UGT2B17: variants seen among roughly 807,000 people sequenced by gnomAD.
UGT2B17 encodes the protein UDP-glucuronosyltransferase 2B17.
Under a neutral mutation model 48.2 loss-of-function variants are expected in UGT2B17, and 21 were observed. The observed-to-expected ratio is 0.44, with a 90% CI of 0.31 to 0.63. UGT2B17 has a LOEUF of 0.63. UGT2B17 is among the 20% of genes least tolerant of loss of function. The probability of loss-of-function intolerance (pLI) is 0.08; values close to 1 mark genes in which losing one functional copy is unlikely to be tolerated. For synonymous variants in UGT2B17, 146 were observed against 238.4 expected (o/e 0.61, Z 3.57); for missense variants, 402 against 696.1 (o/e 0.58, Z 4.75).
At chr4:68,548,573 A>G (rs182896805) in intron 6 of UGT2B17, among the ~76,000 whole-genome samples, 6 of 125,486 alleles carry the variant, frequency 4.8e-5, no homozygotes, top group Admixed American at 8.3e-5. Context: ...CTTAAAGTAT[A>G]ATAAAAAAAA....
Position 68,567,761 on chromosome 4 carries a change from C to T in UGT2B17, c.724G>A (p.Gly242Arg). 1 of 1,329,940 alleles carries T rather than the reference C, an allele frequency of 7.5e-7. No homozygotes were observed. Among genetic ancestry groups the T allele is most frequent in the Non-Finnish European group, 9.7e-7 (1 of 1,034,440 alleles). The allele number at this position is 1,329,940 out of a possible 1,614,324, so 82.4% of individuals were successfully genotyped here. The change falls in exon 2 of 7, where the codon GGA (glycine) becomes AGA (arginine). Residue 242 changes from glycine to arginine, a missense_variant and splice_region_variant. By Grantham distance (125) the Gly-to-Arg change is moderately radical. This residue lies in a region of UGT2B17 where 106 missense variants were observed against 169.8 expected (regional missense o/e 0.62). Coordinates refer to ENST00000317746, the MANE Select transcript of UGT2B17 (RefSeq NM_001077.4). ...AACACCAATTGGACACACGACTTAC[C>T]TAGAACTTCACTATAAAACTGGTCC... is the stretch of plus-strand genomic sequence containing the variant. ...KWDQFYSEVL[G>R]RPTTLFETMG...
chr4:68,559,325 G>A (rs1731060654), intron 4 of UGT2B17, among the ~76,000 whole-genome samples: 1 of 125,762 alleles, frequency 8.0e-6, no homozygotes, highest in African/African-American at 2.7e-5. Flanking sequence ...TAACAATGTA[G>A]GAAAAAGGAG....
Position 68,551,714 on chromosome 4 carries a change from T to C in UGT2B17, c.1093+110A>G. On this transcript the variant is annotated intron_variant, in intron 5 of 6. Transcript: ENST00000317746. ...ATATAAAGTAGTTAAATTTGATTTT[T>C]TTTTAGTTTTCCAATAATAAATGTT... The C allele has an allele frequency of 2.5e-6, 2 of 784,436 alleles. 1 individual carries two copies. The highest frequency in any genetic ancestry group is 3.5e-6 in the Non-Finnish European group (2 of 574,992). The allele number at this position is 784,436 out of a possible 1,614,324, so 48.6% of individuals were successfully genotyped here.
In UGT2B17 at chr4:68,562,582, G is replaced by T. The variant is rs1393470236; in HGVS notation, c.874-1914C>A. The stretch of plus-strand genomic sequence containing the variant: ...TCTTCTTCATCCACCAAGTATTGAA[G>T]TAAAAAATCGTCTGTTTATAGACAG... On this transcript the variant is annotated intron_variant, in intron 3 of 6. Transcript: ENST00000317746. Among the ~76,000 whole-genome samples, 2 of 125,918 alleles carry T rather than the reference G, an allele frequency of 1.6e-5. 1 individual carries two copies. The highest frequency in any genetic ancestry group is 1.5e-3 in the East Asian group (2 of 1,354). 82.6% of individuals were successfully genotyped at this position (125,918 alleles called of 152,430 possible).
chr4:68,567,753 C>T lies in UGT2B17; in HGVS notation c.724+8G>A, dbSNP rs375390234. ...ACTTAATAAACACCAATTGGACACA[C>T]GACTTACCTAGAACTTCACTATAAA... On this transcript the variant is annotated splice_region_variant and intron_variant, in intron 2 of 6. Transcript: ENST00000317746. 115 of 1,309,840 alleles carry T rather than the reference C, an allele frequency of 8.8e-5. 24 individuals are homozygous for T. In the African/African-American group the frequency reaches 1.1e-3, roughly 13 times the overall value. 81.1% of individuals were successfully genotyped at this position (1,309,840 alleles called of 1,614,324 possible).
rs1423785727 is a variant in UGT2B17, at chr4:68,561,382, T to C, written c.874-714A>G. 1.6e-5 allele frequency among the ~76,000 whole-genome samples: 2 copies of C among 123,824 alleles called. 1 individual carries two copies. Among genetic ancestry groups the C allele is most frequent in the Non-Finnish European group, 3.4e-5 (2 of 59,026 alleles). 81.2% of individuals were successfully genotyped at this position (123,824 alleles called of 152,430 possible). On this transcript the variant is annotated intron_variant, in intron 3 of 6. Transcript: ENST00000317746. ...GCTTGGAATTTCCGGGAAATAGTTC[T>C]GAGAATTCCATTTATAATACAGTAT... is the stretch of plus-strand genomic sequence containing the variant.
intron 3 of UGT2B17, among the ~76,000 whole-genome samples, chr4:68,561,343 A>G (rs1209499379): frequency 1.7e-5 from 2 of 120,092 alleles, no homozygotes; most frequent in African/African-American, 5.7e-5. Flanking sequence ...GACGTTCATC[A>G]GTCTGGTGTT....
In UGT2B17 at chr4:68,541,517, TAAGTTACTTGTAGA is replaced by T. The variant is rs1261253264; in HGVS notation, c.1314-3627_1314-3614del. Among the ~76,000 whole-genome samples the T allele has an allele frequency of 2.7e-4, 34 of 126,666 alleles. 8 individuals carry two copies. Among genetic ancestry groups the T allele is most frequent in the African/African-American group, 9.1e-4 (34 of 37,174 alleles). The allele number at this position is 126,666 out of a possible 152,430, so 83.1% of individuals were successfully genotyped here. On this transcript the variant is annotated intron_variant, in intron 6 of 6. Coordinates refer to ENST00000317746, the MANE Select transcript of UGT2B17 (RefSeq NM_001077.4). ...GTGTTTTTTTTCTTGTAAATTTGTT[TAAGTTACTTGTAGA>T]TTCTGGATATTGGACCTTTGTCAGA...
In UGT2B17 at chr4:68,570,963, C is replaced by T. The variant is rs1158844023; in HGVS notation, c.-64-2415G>A. Among the ~76,000 whole-genome samples the T allele has an allele frequency of 2.4e-5, 3 of 126,006 alleles. 1 individual carries two copies. The highest frequency in any genetic ancestry group is 5.0e-5 in the Non-Finnish European group (3 of 59,528). 82.7% of individuals were successfully genotyped at this position (126,006 alleles called of 152,430 possible). Reference sequence around the variant, plus strand: ...GTAAGGTTAAATTTTTCACAAACTCCTCCTTCAGCTGCTAGCAAGTAGTCA... The same window carrying T: ...GTAAGGTTAAATTTTTCACAAACTCTTCCTTCAGCTGCTAGCAAGTAGTCA... On this transcript the variant is annotated intron_variant, in intron 1 of 6. Transcript: ENST00000317746.
In UGT2B17 at chr4:68,540,944, T is replaced by A. The variant is rs1235222278; in HGVS notation, c.1314-3040A>T. Among the ~76,000 whole-genome samples the A allele has an allele frequency of 1.6e-5, 2 of 125,566 alleles. 1 individual carries two copies. The allele number at this position is 125,566 out of a possible 152,430, so 82.4% of individuals were successfully genotyped here. A position where few individuals can be genotyped will look rare whatever the true frequency, so the allele number is the denominator to read the frequency against. Reference sequence around the variant, plus strand: ...GTTTGCTGAGGATAATGGCTTTGAGTTTCATCCATGTCCCTGCAACAGACA... The same window carrying A: ...GTTTGCTGAGGATAATGGCTTTGAGATTCATCCATGTCCCTGCAACAGACA... On this transcript the variant is annotated intron_variant, in intron 6 of 6. Coordinates refer to ENST00000317746, the MANE Select transcript of UGT2B17 (RefSeq NM_001077.4).
In UGT2B17 at chr4:68,537,600, A is replaced by G. The variant is rs1311742473; in HGVS notation, c.*25T>C. Reference sequence around the variant, plus strand: ...AAAGGAGGAGTCCCATCTTTTGGTCATTCCACTTCAGGCTTTTGATATAAC... The same window carrying G: ...AAAGGAGGAGTCCCATCTTTTGGTCGTTCCACTTCAGGCTTTTGATATAAC... On this transcript the variant is annotated 3_prime_UTR_variant, in exon 7 of 7. Transcript: ENST00000317746. 2.3e-6 allele frequency: 3 copies of G among 1,318,636 alleles called. 1 individual carries two copies. Among genetic ancestry groups the G allele is most frequent in the Middle Eastern group, 2.1e-4 (1 of 4,736 alleles). The allele number at this position is 1,318,636 out of a possible 1,614,324, so 81.7% of individuals were successfully genotyped here. A position where few individuals can be genotyped will look rare whatever the true frequency, so the allele number is the denominator to read the frequency against.
At chr4:68,556,963 AG>A (rs1242621430) in intron 4 of UGT2B17, among the ~76,000 whole-genome samples, 1 of 125,278 alleles carries the variant, frequency 8.0e-6, no homozygotes, top group East Asian at 7.5e-4. Flanking sequence ...TTAATTTATT[AG>A]TTTCCCTAAA....
At chr4:68,546,949 G>A (rs557247805) in intron 6 of UGT2B17, among the ~76,000 whole-genome samples, 6 of 125,554 alleles carry the variant, frequency 4.8e-5, no homozygotes, top group Middle Eastern at 3.9e-3. Flanking sequence ...ATGGAAGAAC[G>A]TTCCATGCTC....
Position 68,539,392 on chromosome 4 carries a change from CA to C in UGT2B17, c.1314-1489del, listed in dbSNP as rs1159159840. Among the ~76,000 whole-genome samples the C allele has an allele frequency of 3.2e-5, 4 of 125,264 alleles. 1 individual carries two copies. Among genetic ancestry groups the C allele is most frequent in the African/African-American group, 1.1e-4 (4 of 36,766 alleles). The allele number at this position is 125,264 out of a possible 152,430, so 82.2% of individuals were successfully genotyped here. ...TGGTGTAGAGTATTCAGTTGATTGA[CA>C]AAGACCACAGATCTCTTCATTTATG... On this transcript the variant is annotated intron_variant, in intron 6 of 6. Transcript: ENST00000317746.
chr4:68,540,708 G>T (rs1215089850), intron 6 of UGT2B17, among the ~76,000 whole-genome samples: 1 of 125,926 alleles, frequency 7.9e-6, no homozygotes, highest in Non-Finnish European at 1.7e-5. Context: ...AGGTATATGT[G>T]TGCCATGGTG....
rs1415758605 is a variant in UGT2B17 at position 68,570,283 on chromosome 4, G to T, written c.-64-1735C>A. ...AGCAAGCAGTGGGTATGTGACAGGTGCTGCATGCACTGCTGGTCAGAGAGA... is the reference window on the plus strand; with the variant it reads ...AGCAAGCAGTGGGTATGTGACAGGTTCTGCATGCACTGCTGGTCAGAGAGA... On this transcript the variant is annotated intron_variant, in intron 1 of 6. Coordinates refer to ENST00000317746, the MANE Select transcript of UGT2B17 (RefSeq NM_001077.4). Among the ~76,000 whole-genome samples, 5 of 127,276 alleles carry T rather than the reference G, an allele frequency of 3.9e-5. 1 individual carries two copies. The highest frequency in any genetic ancestry group is 3.3e-5 in the Non-Finnish European group (2 of 59,854). 83.5% of individuals were successfully genotyped at this position (127,276 alleles called of 152,430 possible). A position where few individuals can be genotyped will look rare whatever the true frequency, so the allele number is the denominator to read the frequency against.
chr4:68,543,701 T>C (rs1371868803), intron 6 of UGT2B17, among the ~76,000 whole-genome samples: 2 of 123,424 alleles, frequency 1.6e-5, no homozygotes, highest in Non-Finnish European at 3.4e-5. Flanking sequence ...ATTAGATGAA[T>C]GGCTAACTAG....
chr4:68,560,085 G>A (rs1409545300), intron 4 of UGT2B17, among the ~76,000 whole-genome samples: 1 of 128,586 alleles, frequency 7.8e-6, no homozygotes, highest in African/African-American at 2.7e-5. Context: ...GTAAGACGAA[G>A]CTGCATGATG....
intron 3 of UGT2B17, among the ~76,000 whole-genome samples, chr4:68,564,353 A>T (rs1265253343): frequency 9.0e-6 from 1 of 111,142 alleles, no homozygotes; most frequent in Non-Finnish European, 1.8e-5. Flanking sequence ...CAATAGCATG[A>T]TCTCGGCTCT....
Sources: gnomAD v4.1 joint callset for allele counts (sites outside exome capture counted in the v4.1 genomes callset) on GRCh38, gnomAD v4.1.1 for gene constraint, gnomAD v4.1.1 regional missense constraint, MANE v1.5 for transcripts, NCBI Gene and HGNC (gene_info 2026-07-23, HGNC 2026-07-21) for gene names.